The following ARMC8 variants were observed in gnomAD, a reference collection of about 807,000 sequenced individuals.
ARMC8 encodes the protein armadillo repeat-containing protein 8.
In ARMC8, 20 loss-of-function variants were observed where a neutral mutation model predicts 99.3. That is an observed-to-expected ratio of 0.20 (90% CI 0.14 to 0.29). The LOEUF (loss-of-function observed/expected upper bound fraction) is 0.29, where lower values mean the gene tolerates loss of function less well. ARMC8 is among the 10% of genes least tolerant of loss of function. ARMC8 has a pLI of 1.00. For synonymous variants in ARMC8, 263 were observed against 278.3 expected (o/e 0.95, Z 0.55); for missense variants, 569 against 809.5 (o/e 0.70, Z 3.60).
At chr3:138,198,763 C>T (rs192782380) in intron 1 of ARMC8, among the ~76,000 whole-genome samples, 148 of 152,112 alleles carry the variant, frequency 9.7e-4, no homozygotes, top group African/African-American at 3.3e-3. Flanking sequence ...TCCCCTGCTT[C>T]GGCCTCCCAA....
At chr3:138,208,679 G>A (rs1350312047) in intron 1 of ARMC8, among the ~76,000 whole-genome samples, 2 of 152,032 alleles carry the variant, frequency 1.3e-5, no homozygotes, top group African/African-American at 2.4e-5. Context: ...CGGCGGGGGA[G>A]TATATAAAGA....
chr3:138,277,347 G>A (rs897661709), intron 18 of ARMC8, among the ~76,000 whole-genome samples: 7 of 152,206 alleles, frequency 4.6e-5, no homozygotes, highest in East Asian at 1.9e-4. Context: ...TAGATTAGGC[G>A]AAGAGTTCTT....
intron 16 of ARMC8, among the ~76,000 whole-genome samples, chr3:138,271,114 C>A (rs1179750044): frequency 6.6e-6 from 1 of 152,166 alleles, no homozygotes; most frequent in Admixed American, 6.6e-5. Flanking sequence ...GCTATATCTG[C>A]TGTGTTTTTA....
At chr3:138,286,463 TC>T in intron 19 of ARMC8, among the ~76,000 whole-genome samples, 1 of 152,278 alleles carries the variant, frequency 6.6e-6, no homozygotes, top group African/African-American at 2.4e-5. Flanking sequence ...TATTTCCTCC[TC>T]CTGGAAATAT....
intron 21 of ARMC8, among the ~76,000 whole-genome samples, chr3:138,294,929 A>T (rs1577081709): frequency 2.9e-5 from 4 of 140,266 alleles, no homozygotes; most frequent in East Asian, 2.1e-4. Context: ...ATGGAGTTTC[A>T]CTCTTGTCGC....
intron 18 of ARMC8, among the ~76,000 whole-genome samples, chr3:138,277,504 C>A (rs2049413628): frequency 6.6e-6 from 1 of 152,162 alleles, no homozygotes; most frequent in Non-Finnish European, 1.5e-5. Flanking sequence ...AGATATCTGA[C>A]AAATGACTTG....
intron 9 of ARMC8, chr3:138,237,890 T>C (rs1262438999): frequency 5.1e-5 from 12 of 235,546 alleles, no homozygotes; most frequent in South Asian, 2.2e-4. Flanking sequence ...AACCAACATA[T>C]ACTATGCTAA....
intron 7 of ARMC8, among the ~76,000 whole-genome samples, chr3:138,236,086 G>C (rs771718502): frequency 1.3e-5 from 2 of 152,066 alleles, no homozygotes; most frequent in African/African-American, 2.4e-5. Flanking sequence ...GATTACAGGC[G>C]TGAGCCACCG....
In ARMC8 at chr3:138,223,709, C is replaced by T. The variant is rs765629987; in HGVS notation, c.411C>T (p.Val137=). The change falls in exon 5 of 22, where the codon GTC becomes GTT. Residue 137 remains valine (V), a synonymous_variant. Transcript: ENST00000469044. ...RCLRTIFTSP[V]TPEELLYTDA... The stretch of plus-strand genomic sequence containing the variant: ...TGCGTACCATCTTCACCAGTCCTGT[C>T]ACTCCAGAGGAGCTACTGTATACAG... The T allele has an allele frequency of 6.8e-6, 11 of 1,614,142 alleles. No homozygotes were observed. The South Asian group carries it at 1.1e-4, about 16-fold the overall frequency.
rs922806526 is a variant in ARMC8 at position 138,296,178 on chromosome 3, G to T, written c.*286G>T. ...ATTTTCCTTTGGACCTACAATTTTT[G>T]CCTATGCTGCAGCCACTTTGTGAGT... On this transcript the variant is annotated 3_prime_UTR_variant, in exon 22 of 22. Coordinates refer to ENST00000469044, the MANE Select transcript of ARMC8 (RefSeq NM_001363941.2). 9.6e-5 allele frequency: 32 copies of T among 333,490 alleles called. No homozygotes were observed. Among genetic ancestry groups the T allele is most frequent in the Middle Eastern group, 8.8e-4 (1 of 1,140 alleles). 20.7% of individuals were successfully genotyped at this position (333,490 alleles called of 1,614,324 possible).
intron 12 of ARMC8, among the ~76,000 whole-genome samples, chr3:138,251,506 C>A (rs2047121637): frequency 6.6e-6 from 1 of 152,198 alleles, no homozygotes; most frequent in South Asian, 2.1e-4. Context: ...ATTCGGATTT[C>A]ATAATTCCTT....
Position 138,234,989 on chromosome 3 carries a change from G to A in ARMC8, c.529-45G>A, listed in dbSNP as rs150604785. On this transcript the variant is annotated intron_variant, in intron 6 of 21. Transcript: ENST00000469044. ...AGTAAATGTGGTTTTATTGGAATGA[G>A]TCATTACTCTTCTAAATATATTGTT... The A allele has an allele frequency of 1.1e-3, 1,602 of 1,469,772 alleles. 11 individuals carry two copies. In the African/African-American group the frequency reaches 0.019, roughly 17 times the overall value. The allele number at this position is 1,469,772 out of a possible 1,614,324, so 91.0% of individuals were successfully genotyped here. A position where few individuals can be genotyped will look rare whatever the true frequency, so the allele number is the denominator to read the frequency against.
At chr3:138,201,865 A>G (rs1448088759) in intron 1 of ARMC8, among the ~76,000 whole-genome samples, 5 of 151,960 alleles carry the variant, frequency 3.3e-5, no homozygotes, top group African/African-American at 9.7e-5. Flanking sequence ...GATATCTTCA[A>G]TTTTCTTTTT....
At chr3:138,251,564 A>T (rs1025686533) in intron 12 of ARMC8, among the ~76,000 whole-genome samples, 1 of 152,186 alleles carries the variant, frequency 6.6e-6, no homozygotes, top group South Asian at 2.1e-4. Flanking sequence ...AAGCAAATCC[A>T]CCAAAGAATT....
intron 6 of ARMC8, among the ~76,000 whole-genome samples, chr3:138,231,785 G>C (rs988325550): frequency 4.7e-5 from 7 of 149,240 alleles, no homozygotes; most frequent in Admixed American, 3.6e-4. Flanking sequence ...ATCTCTGGGG[G>C]GGGAAAAAAA....
rs1215370896 is a variant in ARMC8, at chr3:138,273,164, A to G, written c.1629+48A>G. ...CCAAATTAGCTAGCCCTGCATATGCATTGCAAGACATTGCTCTCTCTCTGT... is the reference window on the plus strand; with the variant it reads ...CCAAATTAGCTAGCCCTGCATATGCGTTGCAAGACATTGCTCTCTCTCTGT... On this transcript the variant is annotated intron_variant, in intron 17 of 21. Transcript: ENST00000469044. The G allele has an allele frequency of 7.2e-6, 11 of 1,528,212 alleles. No individual in the cohort carries two copies. In the South Asian group the frequency reaches 1.4e-4, roughly 19 times the overall value. 94.7% of individuals were successfully genotyped at this position (1,528,212 alleles called of 1,614,324 possible). A position where few individuals can be genotyped will look rare whatever the true frequency, so the allele number is the denominator to read the frequency against.
At chr3:138,239,946 A>T (rs1173035308) in intron 10 of ARMC8, among the ~76,000 whole-genome samples, 2 of 152,216 alleles carry the variant, frequency 1.3e-5, no homozygotes, top group East Asian at 3.8e-4. Flanking sequence ...AGGCATAATG[A>T]AAGAGAATAA....
intron 12 of ARMC8, chr3:138,262,155 T>A (rs1267847225): frequency 6.1e-6 from 1 of 164,406 alleles, no homozygotes. Flanking sequence ...GTCTTCTAAG[T>A]GGAGTGTCTG....
intron 21 of ARMC8, among the ~76,000 whole-genome samples, 152 bp from the exon 22 acceptor site, chr3:138,295,707 T>A (rs1481778865): frequency 1.3e-5 from 2 of 152,218 alleles, no homozygotes; most frequent in Non-Finnish European, 2.9e-5. Context: ...GCAGATCTCT[T>A]CCCCTTAAGG....
Sources: gnomAD v4.1 joint callset for allele counts (sites outside exome capture counted in the v4.1 genomes callset) on GRCh38, gnomAD v4.1.1 for gene constraint, MANE v1.5 for transcripts, NCBI Gene and HGNC (gene_info 2026-07-23, HGNC 2026-07-21) for gene names.